CTSV: variants seen among roughly 807,000 people sequenced by gnomAD.
CTSV encodes the protein cathepsin L2.
Under a neutral mutation model 35.6 loss-of-function variants are expected in CTSV, and 33 were observed. The ratio of observed to expected loss-of-function variants is 0.93; its 90% CI spans 0.70 to 1.24. CTSV has a LOEUF of 1.24. Ranked by LOEUF, CTSV falls within the 50% of genes most tolerant of loss-of-function variation. The pLI, the probability that CTSV is intolerant of heterozygous loss-of-function variation, is 0.00. For synonymous variants in CTSV, 154 were observed against 147.1 expected (o/e 1.05, Z -0.34); for missense variants, 408 against 413.1 (o/e 0.99, Z 0.11).
Position 97,037,376 on chromosome 9 carries a change from A to T in CTSV, c.272T>A (p.Met91Lys), listed in dbSNP as rs145383604. The T allele has an allele frequency of 5.9e-5, 95 of 1,614,162 alleles. No individual in the cohort carries two copies. In the African/African-American group the frequency reaches 1.0e-3, roughly 17 times the overall value. ...GDMTNEEFRQ[M>K]MGCFRNQKFR... ...TTTCTGGTTTCGAAAGCAACCCATC[A>T]TCTGCCTGAATTCTTCATTGGTCTT... is the stretch of plus-strand genomic sequence containing the variant. Residue 91 changes from methionine (M) to lysine (K), a missense_variant, in exon 4 of 8, where the codon ATG (methionine) becomes AAG (lysine). Transcript: ENST00000259470.
rs1239521835 is a variant in CTSV at position 97,032,214 on chromosome 9, C to CT, written c.*734dup. Reference sequence around the variant, plus strand: ...ACGAGGTCGAGAGTTCAAGACCAGCCTGGCCAAGATGGTGAAACCCTCTCT... The same window carrying CT: ...ACGAGGTCGAGAGTTCAAGACCAGCCTTGGCCAAGATGGTGAAACCCTCTCT... On this transcript the variant is annotated 3_prime_UTR_variant, in exon 8 of 8. Coordinates refer to ENST00000259470, the MANE Select transcript of CTSV (RefSeq NM_001333.4). The CT allele has an allele frequency of 6.6e-6, 1 of 152,126 alleles. No homozygotes were observed. The highest frequency in any genetic ancestry group is 1.5e-5 in the Non-Finnish European group (1 of 68,050). 9.4% of individuals were successfully genotyped at this position (152,126 alleles called of 1,614,324 possible). A position where few individuals can be genotyped will look rare whatever the true frequency, so the allele number is the denominator to read the frequency against.
Position 97,030,835 on chromosome 9 carries a change from C to A in CTSV, c.*2114G>T, listed in dbSNP as rs149996893. 1 of 152,166 alleles carries A rather than the reference C, an allele frequency of 6.6e-6. No individual in the cohort carries two copies. Among genetic ancestry groups the A allele is most frequent in the Admixed American group, 6.5e-5 (1 of 15,274 alleles). The allele number at this position is 152,166 out of a possible 1,614,324, so 9.4% of individuals were successfully genotyped here. On this transcript the variant is annotated 3_prime_UTR_variant, in exon 8 of 8. Transcript: ENST00000259470. ...ACCTTCAGCATGGCGTCATGGCCAT[C>A]ATGAACCTGTCACAGTACTGCAGAG...
At position 97,036,360 on chromosome 9, in the gene CTSV, C is replaced by T. The variant is rs543508550; in HGVS notation, c.621+163G>A. 67 of 673,544 alleles carry T rather than the reference C, an allele frequency of 9.9e-5. No homozygotes were observed. The East Asian group carries it at 1.0e-3, about 10-fold the overall frequency. The allele number at this position is 673,544 out of a possible 1,614,324, so 41.7% of individuals were successfully genotyped here. ...TGCTGGGATTACAGGTGATCCACCA[C>T]GCCTGGCCAAAGGCTAATAATTTAT... On this transcript the variant is annotated intron_variant, in intron 5 of 7. Transcript: ENST00000259470.
intron 7 of CTSV, among the ~76,000 whole-genome samples, chr9:97,033,336 G>C (rs1828787977): frequency 6.6e-6 from 1 of 151,596 alleles, no homozygotes; most frequent in Admixed American, 6.6e-5. Flanking sequence ...AATTGGCCAG[G>C]TGCGGTGCAT....
Position 97,038,058 on chromosome 9 carries a change from A to C in CTSV, c.-10-5T>G. ...GAAAGATTCATGTTTCAAAACCTAG[A>C]AAGAGAAAAGAAATGAGTATCTGAT... On this transcript the variant is annotated splice_polypyrimidine_tract_variant and splice_region_variant and intron_variant, in intron 1 of 7. Transcript: ENST00000259470. The C allele has an allele frequency of 6.2e-7, 1 of 1,612,108 alleles. No individual in the cohort carries two copies. Among genetic ancestry groups the C allele is most frequent in the South Asian group, 1.1e-5 (1 of 91,050 alleles).
chr9:97,035,418 GCTCA>G (rs1828828439), intron 6 of CTSV, 106 bp downstream of exon 6: 1 of 811,112 alleles, frequency 1.2e-6, no homozygotes, highest in Non-Finnish European at 1.7e-6. Context: ...TATGTTAAAT[GCTCA>G]CTCTCAAAAT....
Position 97,035,619 on chromosome 9 carries a change from C to T in CTSV, c.696G>A (p.Lys232=), listed in dbSNP as rs1309195016. Residue 232 remains lysine (K), a synonymous_variant, in exon 6 of 8, where the codon AAG becomes AAA. Coordinates refer to ENST00000259470, the MANE Select transcript of CTSV (RefSeq NM_001333.4). ...DTGFTVVAPG[K]EKALMKAVAT... ...CGACTGCTTTCATCAGGGCCTTCTCCTTTCCAGGTGCGACCACTGTGAAGC... is the reference window on the plus strand; with the variant it reads ...CGACTGCTTTCATCAGGGCCTTCTCTTTTCCAGGTGCGACCACTGTGAAGC... The T allele has an allele frequency of 1.2e-6, 2 of 1,606,494 alleles. No individual in the cohort carries two copies. The highest frequency in any genetic ancestry group is 2.2e-5 in the South Asian group (2 of 89,822).
Position 97,030,137 on chromosome 9 carries a change from A to T in CTSV, c.*2812T>A, listed in dbSNP as rs10759389. ...TAATGTTTGTTATTTTTAATACAGA[A>T]AAGTTTCTTCTTTGCTTTTTAGAAA... On this transcript the variant is annotated 3_prime_UTR_variant, in exon 8 of 8. Coordinates refer to ENST00000259470, the MANE Select transcript of CTSV (RefSeq NM_001333.4). 1 of 152,070 alleles carries T rather than the reference A, an allele frequency of 6.6e-6. No individual in the cohort carries two copies. Among genetic ancestry groups the T allele is most frequent in the African/African-American group, 2.4e-5 (1 of 41,370 alleles). The allele number at this position is 152,070 out of a possible 1,614,324, so 9.4% of individuals were successfully genotyped here.
chr9:97,037,246 T>G lies in CTSV; in HGVS notation c.396+6A>C. 6.2e-7 allele frequency: 1 copy of G among 1,613,468 alleles called. No homozygotes were observed. Among genetic ancestry groups the G allele is most frequent in the Non-Finnish European group, 8.5e-7 (1 of 1,179,608 alleles). ...GAGACAGGGTCTGAATCTGACGCTG[T>G]CTCACCTGATTCTTCACTGGCGTCA... On this transcript the variant is annotated splice_donor_region_variant and intron_variant, in intron 4 of 7. Coordinates refer to ENST00000259470, the MANE Select transcript of CTSV (RefSeq NM_001333.4).
At chr9:97,038,485 G>T (rs892545660) in intron 1 of CTSV, 17 of 159,162 alleles carry the variant, frequency 1.1e-4, no homozygotes, top group African/African-American at 4.1e-4. Flanking sequence ...AGCAGGAGAT[G>T]AGCTATGTCT....
At position 97,030,749 on chromosome 9, in the gene CTSV, C is replaced by T. The variant is rs1034438182; in HGVS notation, c.*2200G>A. On this transcript the variant is annotated 3_prime_UTR_variant, in exon 8 of 8. Transcript: ENST00000259470. ...CATGCTATTGTTTGTAGTTTAGGAA[C>T]GCCTTTAAGCCGTTTTCCCGCCCTG... The T allele has an allele frequency of 3.9e-5, 6 of 152,334 alleles. No homozygotes were observed. The highest frequency in any genetic ancestry group is 5.9e-5 in the Non-Finnish European group (4 of 68,026). The allele number at this position is 152,334 out of a possible 1,614,324, so 9.4% of individuals were successfully genotyped here.
At chr9:97,034,875 A>C (rs1188714837) in intron 6 of CTSV, 32 bp from the exon 7 acceptor site, 21 of 1,560,868 alleles carry the variant, frequency 1.3e-5, no homozygotes, top group South Asian at 6.7e-5. Context: ...TGGGGTGAGA[A>C]GCTCCAAGCG....
In CTSV at chr9:97,035,634, C is replaced by G; in HGVS notation, c.681G>C (p.Val227=). The G allele has an allele frequency of 6.2e-7, 1 of 1,602,952 alleles. No individual in the cohort carries two copies. The highest frequency in any genetic ancestry group is 8.5e-7 in the Non-Finnish European group (1 of 1,174,038). The change falls in exon 6 of 8, where the codon GTG becomes GTC. Residue 227 remains valine, a synonymous_variant. Coordinates refer to ENST00000259470, the MANE Select transcript of CTSV (RefSeq NM_001333.4). ...NSVANDTGFT[V]VAPGKEKALM... ...GGGCCTTCTCCTTTCCAGGTGCGACCACTGTGAAGCCAGTGTCATTAGCAA... is the reference window on the plus strand; with the variant it reads ...GGGCCTTCTCCTTTCCAGGTGCGACGACTGTGAAGCCAGTGTCATTAGCAA...
chr9:97,033,047 A>C lies in CTSV; in HGVS notation c.907T>G (p.Trp303Gly). The C allele has an allele frequency of 6.2e-7, 1 of 1,605,826 alleles. No individual in the cohort carries two copies. Among genetic ancestry groups the C allele is most frequent in the Non-Finnish European group, 8.5e-7 (1 of 1,176,514 alleles). ...NSKYWLVKNS[W>G]GPEWGSNGYV... ...CCATTCGAGCCCCATTCTGGACCCC[A>C]GCTGAAAGAGGAGCAGGTTTTCCAT... The change falls in exon 8 of 8, where the codon TGG becomes GGG. Residue 303 changes from tryptophan to glycine, a missense_variant and splice_region_variant. By Grantham distance (184) the Trp-to-Gly change is radical (BLOSUM62 -2). Coordinates refer to ENST00000259470, the MANE Select transcript of CTSV (RefSeq NM_001333.4).
intron 7 of CTSV, 82 bp from the exon 8 acceptor site, chr9:97,033,130 A>G (rs1441390595): frequency 1.2e-6 from 1 of 843,134 alleles, no homozygotes; most frequent in Non-Finnish European, 2.0e-6. Flanking sequence ...TAATACTTAA[A>G]CAGTGCTTCC....
At chr9:97,033,667 G>A (rs940196861) in intron 7 of CTSV, among the ~76,000 whole-genome samples, 6 of 151,622 alleles carry the variant, frequency 4.0e-5, no homozygotes, top group Admixed American at 2.0e-4. Context: ...GCGTGGTGGC[G>A]CATGCCTATA....
rs1206945990 is a variant in CTSV at position 97,029,681 on chromosome 9, A to C, written c.*3268T>G. 6.6e-6 allele frequency: 1 copy of C among 152,254 alleles called. No homozygotes were observed. Among genetic ancestry groups the C allele is most frequent in the Non-Finnish European group, 1.5e-5 (1 of 68,052 alleles). The allele number at this position is 152,254 out of a possible 1,614,324, so 9.4% of individuals were successfully genotyped here. A position where few individuals can be genotyped will look rare whatever the true frequency, so the allele number is the denominator to read the frequency against. On this transcript the variant is annotated 3_prime_UTR_variant, in exon 8 of 8. Coordinates refer to ENST00000259470, the MANE Select transcript of CTSV (RefSeq NM_001333.4). ...ACACTGCAGAACAAGAACACGTTGCAGCTTAGTAATAGTTTTACTTATTAA... is the reference window on the plus strand; with the variant it reads ...ACACTGCAGAACAAGAACACGTTGCCGCTTAGTAATAGTTTTACTTATTAA...
In CTSV at chr9:97,034,177, G is replaced by T. The variant is rs142215216; in HGVS notation, c.905+549C>A. Among the ~76,000 whole-genome samples the T allele has an allele frequency of 4.3e-3, 657 of 152,298 alleles. 4 individuals carry two copies. The highest frequency in any genetic ancestry group is 0.015 in the African/African-American group (624 of 41,568). ...CTATTTAAGATACTGAGGCAGAACT[G>T]GAATTCCACTGTAGCAGTCTGTCCC... On this transcript the variant is annotated intron_variant, in intron 7 of 7. Coordinates refer to ENST00000259470, the MANE Select transcript of CTSV (RefSeq NM_001333.4).
intron 7 of CTSV, 37 bp downstream of exon 7, chr9:97,034,689 G>T: frequency 6.6e-7 from 1 of 1,506,952 alleles, no homozygotes; most frequent in Non-Finnish European, 9.2e-7. Flanking sequence ...ATACTGATTT[G>T]GAACAAAAAT....
Sources: gnomAD v4.1 joint callset for allele counts (sites outside exome capture counted in the v4.1 genomes callset) on GRCh38, gnomAD v4.1.1 for gene constraint, MANE v1.5 for transcripts, NCBI Gene and HGNC (gene_info 2026-07-23, HGNC 2026-07-21) for gene names.